KIAA1217: variants seen among roughly 807,000 people sequenced by gnomAD.
KIAA1217 encodes sickle tail protein homolog.
In KIAA1217, 88 loss-of-function variants were observed where a neutral mutation model predicts 163.9. The observed-to-expected ratio is 0.54, with a 90% CI of 0.45 to 0.64. KIAA1217 has a LOEUF of 0.64. KIAA1217 is among the 30% of genes least tolerant of loss of function. The pLI, the probability that KIAA1217 is intolerant of heterozygous loss-of-function variation, is 0.00. For synonymous variants in KIAA1217, 903 were observed against 923.1 expected, an observed-to-expected ratio of 0.98 and a Z score of 0.39; for missense variants, 2,372 against 2,475.0, an observed-to-expected ratio of 0.96 and a Z score of 0.88.
At chr10:23,769,495 G>T (rs1038923694) in intron 1 of KIAA1217, among the ~76,000 whole-genome samples, 3 of 152,192 alleles carry the variant, frequency 2.0e-5, no homozygotes, top group South Asian at 2.1e-4. Context: ...TATAAAGGCA[G>T]TCTGGACCCC....
At chr10:23,767,889 A>C (rs1322535889) in intron 1 of KIAA1217, among the ~76,000 whole-genome samples, 2 of 152,184 alleles carry the variant, frequency 1.3e-5, no homozygotes, top group Non-Finnish European at 2.9e-5. Context: ...CTGAGAATCC[A>C]AGTAGGGCTT....
intron 1 of KIAA1217, among the ~76,000 whole-genome samples, chr10:23,857,605 G>T (rs953178454): frequency 6.6e-6 from 1 of 152,096 alleles, no homozygotes; most frequent in East Asian, 1.9e-4. Flanking sequence ...GAAGGTCTAG[G>T]GTCGGGGCCC....
intron 5 of KIAA1217, among the ~76,000 whole-genome samples, chr10:24,451,490 T>G (rs2061368222): frequency 6.6e-6 from 1 of 152,234 alleles, no homozygotes; most frequent in South Asian, 2.1e-4. Flanking sequence ...CCTGGTGATT[T>G]GTAATGCAAA....
intron 4 of KIAA1217, among the ~76,000 whole-genome samples, chr10:24,434,126 T>A (rs1283966495): frequency 6.9e-6 from 1 of 144,042 alleles, no homozygotes; most frequent in Non-Finnish European, 1.5e-5. Flanking sequence ...AACCTCCGCC[T>A]CCTGGGTTCA....
At chr10:24,376,874 G>A (rs1023051279) in intron 2 of KIAA1217, among the ~76,000 whole-genome samples, 1 of 152,176 alleles carries the variant, frequency 6.6e-6, no homozygotes, top group Non-Finnish European at 1.5e-5. Flanking sequence ...AGGGCAAGCT[G>A]CTTTTTCTAT....
At chr10:23,943,419 G>A (rs950403427) in intron 1 of KIAA1217, among the ~76,000 whole-genome samples, 1 of 152,156 alleles carries the variant, frequency 6.6e-6, no homozygotes, top group East Asian at 1.9e-4. Context: ...AACAAAAGAT[G>A]TGAATACATG....
chr10:24,233,370 C>T (rs1370582819), intron 2 of KIAA1217, among the ~76,000 whole-genome samples: 1 of 152,104 alleles, frequency 6.6e-6, no homozygotes, highest in East Asian at 1.9e-4. Context: ...ATGAGGGATC[C>T]ACCAGCCTCC....
intron 1 of KIAA1217, among the ~76,000 whole-genome samples, chr10:23,738,731 T>G (rs767461530): frequency 7.7e-5 from 11 of 142,204 alleles, no homozygotes; most frequent in Non-Finnish European, 1.5e-4. Context: ...AATTTATGGA[T>G]AGATATTGAT....
At chr10:24,003,960 C>T (rs1166680082) in intron 1 of KIAA1217, among the ~76,000 whole-genome samples, 1 of 151,968 alleles carries the variant, frequency 6.6e-6, no homozygotes, top group Non-Finnish European at 1.5e-5. Context: ...TTTCAGAGAC[C>T]TTTTTTTATT....
rs558584963 is a variant in KIAA1217, at chr10:23,838,401, A to G, written c.-321+143167A>G. On this transcript the variant is annotated intron_variant, in intron 1 of 18. Transcript: ENST00000376462. ...AAATTTTAAATCAACATAAAAGATG[A>G]AAAATGACACTTCATGGCTAGGGAG... 9.8e-5 allele frequency among the ~76,000 whole-genome samples: 15 copies of G among 152,332 alleles called. 1 individual carries two copies. The highest frequency in any genetic ancestry group is 3.6e-4 in the African/African-American group (15 of 41,588).
intron 8 of KIAA1217, 37 bp from the exon 9 acceptor site, chr10:24,501,342 G>C (rs2067557754): frequency 6.3e-7 from 1 of 1,582,050 alleles, no homozygotes; most frequent in African/African-American, 1.3e-5. Flanking sequence ...ACTTTCCTTT[G>C]TGGCCTTCTG....
chr10:23,812,488 CT>C (rs74991359), intron 1 of KIAA1217, among the ~76,000 whole-genome samples: 35,177 of 151,450 alleles, frequency 0.23, 4,250 homozygotes, highest in Middle Eastern at 0.29. Context: ...ATTATTGTTT[CT>C]TTTTTTTTAT....
chr10:24,355,672 T>C (rs1292823735), intron 2 of KIAA1217, among the ~76,000 whole-genome samples: 4 of 149,624 alleles, frequency 2.7e-5, no homozygotes, highest in African/African-American at 9.9e-5. Flanking sequence ...CCAAGTGTTG[T>C]AGGTCTTCTG....
intron 17 of KIAA1217, among the ~76,000 whole-genome samples, chr10:24,541,804 G>A (rs1173294162): frequency 6.6e-6 from 1 of 152,186 alleles, no homozygotes; most frequent in African/African-American, 2.4e-5. Flanking sequence ...GTCTACACTG[G>A]AAAATATAGA....
intron 1 of KIAA1217, among the ~76,000 whole-genome samples, chr10:23,934,341 C>T (rs112499220): frequency 1.8e-3 from 266 of 148,616 alleles, no homozygotes; most frequent in African/African-American, 5.7e-3. Context: ...TGAGAACACA[C>T]GGACAGGAGA....
At chr10:24,309,157 G>GGAGA (rs1215601533) in intron 2 of KIAA1217, among the ~76,000 whole-genome samples, 1 of 148,618 alleles carries the variant, frequency 6.7e-6, no homozygotes, top group East Asian at 2.0e-4. Flanking sequence ...AGGAAGGGAG[G>GGAGA]GAGGGAGGGA....
At chr10:24,259,238 G>T (rs2075482844) in intron 2 of KIAA1217, among the ~76,000 whole-genome samples, 1 of 151,958 alleles carries the variant, frequency 6.6e-6, no homozygotes, top group African/African-American at 2.4e-5. Context: ...AATAGATGTG[G>T]GCGGTTTCTT....
chr10:23,818,239 T>C (rs1407827673), intron 1 of KIAA1217, among the ~76,000 whole-genome samples: 4 of 143,238 alleles, frequency 2.8e-5, no homozygotes, highest in Non-Finnish European at 3.0e-5. Context: ...CTTTATATAT[T>C]ATACATAATA....
chr10:24,038,367 C>T (rs1472284277), intron 2 of KIAA1217, among the ~76,000 whole-genome samples: 1 of 152,174 alleles, frequency 6.6e-6, no homozygotes, highest in Non-Finnish European at 1.5e-5. Flanking sequence ...TTGGTACAGA[C>T]ATGTGAAGTC....
Sources: allele counts gnomAD v4.1 joint callset (sites outside exome capture counted in the v4.1 genomes callset), GRCh38; gene constraint gnomAD v4.1.1; transcripts MANE v1.5; gene names NCBI Gene and HGNC (gene_info 2026-07-23, HGNC 2026-07-21).